The following DCP1B variants were observed in gnomAD, a reference collection of about 807,000 sequenced individuals.
DCP1B encodes the protein decapping mRNA 1B.
A neutral mutation model predicts 60.5 loss-of-function variants in DCP1B; 47 were observed. That is an observed-to-expected ratio of 0.78 (90% confidence interval 0.61 to 0.99). The LOEUF (loss-of-function observed/expected upper bound fraction) is 0.99. DCP1B is among the 50% of genes least tolerant of loss of function. The probability of loss-of-function intolerance (pLI) is 0.00; values close to 1 mark genes in which losing one functional copy is unlikely to be tolerated. For synonymous variants in DCP1B, 267 were observed against 280.3 expected (o/e 0.95, Z 0.47); for missense variants, 725 against 756.8 (o/e 0.96, Z 0.49).
At chr12:1,977,339 G>A (rs905124069) in intron 3 of DCP1B, among the ~76,000 whole-genome samples, 2 of 152,138 alleles carry the variant, frequency 1.3e-5, no homozygotes, top group African/African-American at 2.4e-5. Context: ...GTCATTCTCC[G>A]TCTCTACCAT....
Position 1,950,364 on chromosome 12 carries a change from G to C in DCP1B, c.1525-1030C>G, listed in dbSNP as rs2030620100. 5 of 702,342 alleles carry C rather than the reference G, an allele frequency of 7.1e-6. No individual in the cohort carries two copies. The East Asian group carries it at 1.3e-4, about 19-fold the overall frequency. 43.5% of individuals were successfully genotyped at this position (702,342 alleles called of 1,614,324 possible). A position where few individuals can be genotyped will look rare whatever the true frequency, so the allele number is the denominator to read the frequency against. ...TGCTTGCCTTTCTCACTCGGCTCTT[G>C]ATATTTGTGAGTACTGAAAAGTCAA... On this transcript the variant is annotated intron_variant, in intron 7 of 8. Transcript: ENST00000280665.
chr12:1,996,629 AAAAAAAAAAAAAAAAAAAAAAAAAAAC>A (rs1203407228), intron 2 of DCP1B, among the ~76,000 whole-genome samples: 6 of 84,020 alleles, frequency 7.1e-5, no homozygotes, highest in African/African-American at 3.1e-4. Context: ...AAAAAAAAAA[AAAAAAAAAAAAAAAAAAAAAAAAAAAC>A]AACAAACTCT....
intron 1 of DCP1B, among the ~76,000 whole-genome samples, chr12:1,999,593 G>A (rs767200815): frequency 6.6e-6 from 1 of 152,042 alleles, no homozygotes; most frequent in Non-Finnish European, 1.5e-5. Context: ...AGGTGTGGTG[G>A]CACATGCCGG....
chr12:1,960,785 C>G (rs1049198007), intron 5 of DCP1B, among the ~76,000 whole-genome samples: 2 of 152,140 alleles, frequency 1.3e-5, no homozygotes, highest in Non-Finnish European at 2.9e-5. Flanking sequence ...ATTCTTTTAT[C>G]ACATCACCAA....
chr12:1,966,171 G>A (rs1410000564), intron 4 of DCP1B: 1 of 152,318 alleles, frequency 6.6e-6, no homozygotes, highest in Non-Finnish European at 1.5e-5. Context: ...CCAATTTAGA[G>A]TTCTGAAATA....
intron 3 of DCP1B, among the ~76,000 whole-genome samples, chr12:1,985,879 T>C (rs919618085): frequency 2.6e-5 from 4 of 152,120 alleles, no homozygotes; most frequent in African/African-American, 9.7e-5. Context: ...GGTGCGATCT[T>C]GGCTCACTGC....
chr12:1,976,732 T>C (rs538050002), intron 3 of DCP1B, among the ~76,000 whole-genome samples: 4 of 152,072 alleles, frequency 2.6e-5, no homozygotes, highest in South Asian at 4.1e-4. Context: ...TAAAACTATA[T>C]GCAAAATGTC....
At position 1,971,291 on chromosome 12, in the gene DCP1B, C is replaced by A; in HGVS notation, c.320-3381G>T. 1 of 718,604 alleles carries A rather than the reference C, an allele frequency of 1.4e-6. No homozygotes were observed. Among genetic ancestry groups the A allele is most frequent in the Non-Finnish European group, 2.0e-6 (1 of 491,890 alleles). 44.5% of individuals were successfully genotyped at this position (718,604 alleles called of 1,614,324 possible). The stretch of plus-strand genomic sequence containing the variant: ...AATGATACCTAGAATGTGACTTCCT[C>A]ACTCTAAGAACTCATCTCTCCATAT... On this transcript the variant is annotated intron_variant, in intron 3 of 8. Transcript: ENST00000280665. The surrounding 1 kb of genome is among the most constrained non-coding windows in gnomAD (Gnocchi z 4.2).
intron 1 of DCP1B, among the ~76,000 whole-genome samples, chr12:2,003,173 AT>A (rs1259464747): frequency 1.3e-5 from 2 of 152,022 alleles, no homozygotes; most frequent in East Asian, 1.9e-4. Context: ...TATGTTAATG[AT>A]TTTCAGGTGA....
intron 3 of DCP1B, among the ~76,000 whole-genome samples, chr12:1,978,568 C>T (rs2035120785): frequency 6.6e-6 from 1 of 152,158 alleles, no homozygotes; most frequent in African/African-American, 2.4e-5. Flanking sequence ...ATGCACAGAT[C>T]TTAAAGTGTT....
chr12:1,965,537 C>A, intron 5 of DCP1B, 21 bp downstream of exon 5: 2 of 1,603,794 alleles, frequency 1.2e-6, no homozygotes, highest in Non-Finnish European at 1.7e-6. Context: ...GTATGTATCA[C>A]AAGGAAGGGC....
intron 3 of DCP1B, among the ~76,000 whole-genome samples, chr12:1,979,093 A>ACCTC (rs1213698898): frequency 6.7e-5 from 10 of 148,960 alleles, no homozygotes; most frequent in African/African-American, 2.5e-4. Flanking sequence ...CACTGCTGCA[A>ACCTC]CCTCCGCCTC....
chr12:1,974,562 C>G (rs1043744978), intron 3 of DCP1B, among the ~76,000 whole-genome samples: 1 of 152,140 alleles, frequency 6.6e-6, no homozygotes, highest in Non-Finnish European at 1.5e-5. Flanking sequence ...CAACTAAGAG[C>G]TCAAAGGATG....
At chr12:1,946,313 A>G in intron 8 of DCP1B, 27 bp from the exon 9 acceptor site, 1 of 1,568,722 alleles carries the variant, frequency 6.4e-7, no homozygotes, top group Non-Finnish European at 8.7e-7. Context: ...AAGACCCAAG[A>G]GAATGTTACT....
chr12:1,971,345 A>T lies in DCP1B; in HGVS notation c.320-3435T>A, dbSNP rs2032159475. 2.4e-6 allele frequency: 1 copy of T among 411,400 alleles called. No homozygotes were observed. Among genetic ancestry groups the T allele is most frequent in the Non-Finnish European group, 4.1e-6 (1 of 244,320 alleles). 25.5% of individuals were successfully genotyped at this position (411,400 alleles called of 1,614,324 possible). A position where few individuals can be genotyped will look rare whatever the true frequency, so the allele number is the denominator to read the frequency against. ...ATCAGGATTTACCACACACCGTTGT[A>T]AAATTTTGCCTGTAACTGCACTATC... On this transcript the variant is annotated intron_variant, in intron 3 of 8. Coordinates refer to ENST00000280665, the MANE Select transcript of DCP1B (RefSeq NM_152640.5). The surrounding 1 kb of genome is among the most constrained non-coding windows in gnomAD (Gnocchi z 4.2).
At chr12:1,966,316 C>T (rs1281164841) in intron 4 of DCP1B, among the ~76,000 whole-genome samples, 1 of 152,170 alleles carries the variant, frequency 6.6e-6, no homozygotes, top group Non-Finnish European at 1.5e-5. Flanking sequence ...GAAGAGGGGC[C>T]ATTTAAAAAA....
intron 3 of DCP1B, among the ~76,000 whole-genome samples, chr12:1,984,305 C>T (rs571412582): frequency 6.6e-6 from 1 of 151,944 alleles, no homozygotes; most frequent in East Asian, 1.9e-4. Flanking sequence ...TTTTGCTCTC[C>T]TGTTACCCTC....
At position 1,996,637 on chromosome 12, in the gene DCP1B, AAAAAAAAAAAAAAAAAAAC is replaced by A. The variant is rs1565869696; in HGVS notation, c.191+1279_191+1297del. Among the ~76,000 whole-genome samples, 21 of 121,290 alleles carry A rather than the reference AAAAAAAAAAAAAAAAAAAC, an allele frequency of 1.7e-4. 1 individual carries two copies. Among genetic ancestry groups the A allele is most frequent in the South Asian group, 2.7e-4 (1 of 3,678 alleles). The allele number at this position is 121,290 out of a possible 152,430, so 79.6% of individuals were successfully genotyped here. On this transcript the variant is annotated intron_variant, in intron 2 of 8. Coordinates refer to ENST00000280665, the MANE Select transcript of DCP1B (RefSeq NM_152640.5). The stretch of plus-strand genomic sequence containing the variant: ...GAGCTAAAAAAAAAAAAAAAAAAAA[AAAAAAAAAAAAAAAAAAAC>A]AACAAACTCTTCTAATGTTTTAAAG...
In DCP1B at chr12:1,997,928, C is replaced by G. The variant is rs759852006; in HGVS notation, c.191+7G>C. On this transcript the variant is annotated splice_region_variant and intron_variant, in intron 2 of 8. Coordinates refer to ENST00000280665, the MANE Select transcript of DCP1B (RefSeq NM_152640.5). Reference sequence around the variant, plus strand: ...TTAGTTTCTTTATAAAAGTGAAACACTCTTACCTTGTATAAACAAATAAGG... The same window carrying G: ...TTAGTTTCTTTATAAAAGTGAAACAGTCTTACCTTGTATAAACAAATAAGG... The G allele has an allele frequency of 1.2e-6, 2 of 1,603,370 alleles. No individual in the cohort carries two copies. Among genetic ancestry groups the G allele is most frequent in the Admixed American group, 1.7e-5 (1 of 58,150 alleles).
Sources: gnomAD v4.1 joint callset for allele counts (sites outside exome capture counted in the v4.1 genomes callset) on GRCh38, gnomAD v4.1.1 for gene constraint, Gnocchi (gnomAD v3.1) non-coding constraint, MANE v1.5 for transcripts, NCBI Gene and HGNC (gene_info 2026-07-23, HGNC 2026-07-21) for gene names.